PRKN: variants seen among roughly 807,000 people sequenced by gnomAD.
PRKN encodes parkin RBR E3 ubiquitin protein ligase, also known as E3 ubiquitin-protein ligase parkin.
Under a neutral mutation model 59.5 loss-of-function variants are expected in PRKN, and 56 were observed. That is an observed-to-expected ratio of 0.94 (90% CI 0.76 to 1.18). The LOEUF is 1.18. Ranked by LOEUF, PRKN falls within the 50% of genes most tolerant of loss-of-function variation. PRKN has a pLI of 0.00. For missense variants in PRKN, 657 were observed against 596.4 expected (o/e 1.10, Z -1.06); for synonymous variants, 250 against 222.1 (o/e 1.13, Z -1.12).
At chr6:162,454,186 T>C (rs368475735) in intron 1 of PRKN, among the ~76,000 whole-genome samples, 1 of 152,222 alleles carries the variant, frequency 6.6e-6, no homozygotes, top group East Asian at 1.9e-4. Context: ...TAACTTCAGG[T>C]CCAACATATA....
chr6:162,348,910 G>C (rs1784512465), intron 2 of PRKN, among the ~76,000 whole-genome samples: 1 of 152,070 alleles, frequency 6.6e-6, no homozygotes, highest in Admixed American at 6.6e-5. Flanking sequence ...TATAACATCA[G>C]CAAAGGCAAA....
At chr6:162,234,593 C>T (rs1320883446) in intron 3 of PRKN, among the ~76,000 whole-genome samples, 2 of 152,158 alleles carry the variant, frequency 1.3e-5, no homozygotes, top group African/African-American at 4.8e-5. Flanking sequence ...TACTTTAAAT[C>T]ATCTCTAGAT....
At position 161,529,989 on chromosome 6, in the gene PRKN, T is replaced by C. The variant is rs1029240124; in HGVS notation, c.1083+18865A>G. On this transcript the variant is annotated intron_variant, in intron 9 of 11. Transcript: ENST00000366898. The surrounding 1 kb of genome is among the most constrained non-coding windows in gnomAD (Gnocchi z 4.4). ...GTAGTGAAACTTATTGAGCATGTTATAAAAACAACAGAGCAGCAAAAGCAT... is the reference window on the plus strand; with the variant it reads ...GTAGTGAAACTTATTGAGCATGTTACAAAAACAACAGAGCAGCAAAAGCAT... Among the ~76,000 whole-genome samples the C allele has an allele frequency of 3.3e-5, 5 of 151,964 alleles. No individual in the cohort carries two copies. Among genetic ancestry groups the C allele is most frequent in the African/African-American group, 1.2e-4 (5 of 41,340 alleles).
intron 9 of PRKN, among the ~76,000 whole-genome samples, chr6:161,522,579 A>G (rs1240744886): frequency 1.3e-5 from 2 of 152,262 alleles, no homozygotes; most frequent in Admixed American, 1.3e-4. Context: ...AATTTAGGAC[A>G]ACAGCTAGAA....
intron 9 of PRKN, among the ~76,000 whole-genome samples, chr6:161,520,912 C>G (rs1323013377): frequency 6.6e-6 from 1 of 152,106 alleles, no homozygotes; most frequent in African/African-American, 2.4e-5. Flanking sequence ...GGGTCAATAC[C>G]CATAAATGCT....
At chr6:162,561,334 C>T (rs1779829878) in intron 1 of PRKN, among the ~76,000 whole-genome samples, 1 of 151,826 alleles carries the variant, frequency 6.6e-6, no homozygotes, top group Non-Finnish European at 1.5e-5. Context: ...AAAGACTGAG[C>T]GAAAGAAGAA....
intron 2 of PRKN, among the ~76,000 whole-genome samples, chr6:162,363,302 T>C (rs1785250374): frequency 6.6e-6 from 1 of 152,186 alleles, no homozygotes; most frequent in East Asian, 1.9e-4. Context: ...AATCTTTTGA[T>C]GCTGCTGTAA....
intron 1 of PRKN, among the ~76,000 whole-genome samples, chr6:162,667,455 G>C (rs891997235): frequency 1.3e-5 from 2 of 151,956 alleles, no homozygotes; most frequent in Non-Finnish European, 2.9e-5. Context: ...TGATAAAAAG[G>C]ATGCAAATTT....
At chr6:162,660,815 AAATGC>A (rs1778848053) in intron 1 of PRKN, among the ~76,000 whole-genome samples, 1 of 152,196 alleles carries the variant, frequency 6.6e-6, no homozygotes, top group South Asian at 2.1e-4. Context: ...AATTATTTAG[AAATGC>A]CTATCTAATC....
At chr6:162,476,659 T>C (rs1723794823) in intron 1 of PRKN, among the ~76,000 whole-genome samples, 1 of 152,088 alleles carries the variant, frequency 6.6e-6, no homozygotes, top group Non-Finnish European at 1.5e-5. Context: ...GCAAGCTCGG[T>C]CTTGCCTGGT....
chr6:162,400,112 C>G (rs974457606), intron 2 of PRKN, among the ~76,000 whole-genome samples: 1 of 151,926 alleles, frequency 6.6e-6, no homozygotes, highest in African/African-American at 2.4e-5. Context: ...GAGGCTGAGG[C>G]AGGAGAATTG....
intron 7 of PRKN, among the ~76,000 whole-genome samples, chr6:161,598,872 A>G (rs1208448802): frequency 1.3e-5 from 2 of 152,234 alleles, no homozygotes; most frequent in Non-Finnish European, 2.9e-5. Flanking sequence ...GTACCAATGA[A>G]TATAACCTCA....
intron 1 of PRKN, among the ~76,000 whole-genome samples, chr6:162,613,631 T>C (rs182348102): frequency 1.3e-5 from 2 of 152,210 alleles, no homozygotes; most frequent in Non-Finnish European, 2.9e-5. Flanking sequence ...TCACCAACAA[T>C]TACAATCCTT....
intron 10 of PRKN, among the ~76,000 whole-genome samples, chr6:161,375,585 GCTTGGTAGAT>G (rs1426545786): frequency 2.0e-5 from 3 of 152,174 alleles, no homozygotes; most frequent in African/African-American, 7.2e-5. Flanking sequence ...ATTATTTATA[GCTTGGTAGAT>G]CTTACTGGCT....
At position 162,299,707 on chromosome 6, in the gene PRKN, A is replaced by T. The variant is rs957018068; in HGVS notation, c.172-36942T>A. The stretch of plus-strand genomic sequence containing the variant: ...TTCCTTTATATATATGTGTGTCTAT[A>T]GGTCTGTGTTTTCATGGCCATACAG... On this transcript the variant is annotated intron_variant, in intron 2 of 11. Coordinates refer to ENST00000366898, the MANE Select transcript of PRKN (RefSeq NM_004562.3). Among the ~76,000 whole-genome samples the T allele has an allele frequency of 2.3e-4, 35 of 152,014 alleles. 1 individual carries two copies. Among genetic ancestry groups the T allele is most frequent in the African/African-American group, 8.2e-4 (34 of 41,492 alleles).
chr6:162,603,658 A>G (rs1562426527), intron 1 of PRKN, among the ~76,000 whole-genome samples: 3 of 152,228 alleles, frequency 2.0e-5, no homozygotes, highest in Non-Finnish European at 4.4e-5. Context: ...AACAATGATC[A>G]AACATTGAAA....
chr6:161,606,227 C>T (rs1307178911), intron 7 of PRKN, among the ~76,000 whole-genome samples: 2 of 152,154 alleles, frequency 1.3e-5, no homozygotes, highest in Non-Finnish European at 2.9e-5. Context: ...AATGTGGAAG[C>T]TGCTCAACTC....
At chr6:162,484,392 T>G (rs1248832194) in intron 1 of PRKN, among the ~76,000 whole-genome samples, 3 of 152,124 alleles carry the variant, frequency 2.0e-5, no homozygotes, top group African/African-American at 7.2e-5. Context: ...CCTGCATACA[T>G]GCTAAAGATG....
At chr6:162,457,120 C>A (rs372900769) in intron 1 of PRKN, among the ~76,000 whole-genome samples, 7 of 152,228 alleles carry the variant, frequency 4.6e-5, no homozygotes, top group African/African-American at 1.7e-4. Context: ...CTGTGAATGA[C>A]CTTAAAAGCT....
Sources: gnomAD v4.1 joint callset for allele counts (sites outside exome capture counted in the v4.1 genomes callset) on GRCh38, gnomAD v4.1.1 for gene constraint, Gnocchi (gnomAD v3.1) non-coding constraint, MANE v1.5 for transcripts, NCBI Gene and HGNC (gene_info 2026-07-23, HGNC 2026-07-21) for gene names.